Variants in ENOX1 observed in about 807,000 individuals in gnomAD.
ENOX1 encodes ecto-NOX disulfide-thiol exchanger 1.
In ENOX1, 42 loss-of-function variants were observed where a neutral mutation model predicts 82.5. That is an observed-to-expected ratio of 0.51 (90% confidence interval 0.40 to 0.66). The LOEUF is 0.66. ENOX1 is among the 30% of genes least tolerant of loss of function. ENOX1 has a pLI of 0.00. For missense variants in ENOX1, 608 were observed against 811.6 expected, an observed-to-expected ratio of 0.75 and a Z score of 3.05; for synonymous variants, 271 against 282.2, an observed-to-expected ratio of 0.96 and a Z score of 0.40.
At chr13:43,252,475 C>T in intron 14 of ENOX1, among the ~76,000 whole-genome samples, 1 of 152,306 alleles carries the variant, frequency 6.6e-6, no homozygotes, top group Middle Eastern at 3.4e-3. Flanking sequence ...TAGAAATGCA[C>T]TCTTTCTTTT....
At chr13:43,297,664 C>G (rs535525348) in intron 12 of ENOX1, among the ~76,000 whole-genome samples, 1 of 152,284 alleles carries the variant, frequency 6.6e-6, no homozygotes, top group South Asian at 2.1e-4. Flanking sequence ...CCCACAGTAC[C>G]TGTTCCTTTT....
At chr13:43,359,796 A>G in intron 7 of ENOX1, 55 bp downstream of exon 7, 2 of 1,512,164 alleles carry the variant, frequency 1.3e-6, no homozygotes, top group African/African-American at 2.7e-5. Context: ...AGCTCATATT[A>G]ACATCACAAA....
intron 2 of ENOX1, among the ~76,000 whole-genome samples, chr13:43,523,323 T>C (rs1291573889): frequency 6.6e-6 from 1 of 152,170 alleles, no homozygotes; most frequent in East Asian, 1.9e-4. Context: ...TTTTTAATGA[T>C]AGTTTACAAC....
chr13:43,758,035 G>A (rs1297588380), intron 1 of ENOX1, among the ~76,000 whole-genome samples: 2 of 152,106 alleles, frequency 1.3e-5, no homozygotes, highest in Non-Finnish European at 1.5e-5. Flanking sequence ...AGGAGTTCCA[G>A]ACCAGCCTGG....
intron 5 of ENOX1, among the ~76,000 whole-genome samples, chr13:43,372,885 G>A (rs559190557): frequency 3.9e-5 from 6 of 152,052 alleles, no homozygotes; most frequent in Admixed American, 1.3e-4. Flanking sequence ...TGGAGGGACC[G>A]TCCGAGTTCT....
At chr13:43,344,850 A>C in intron 8 of ENOX1, 100 bp from the exon 9 acceptor site, 1 of 1,164,610 alleles carries the variant, frequency 8.6e-7, no homozygotes, top group Non-Finnish European at 1.2e-6. Context: ...AACCTAGTGG[A>C]TATATTTTCA....
At chr13:43,377,029 A>T (rs979978833) in intron 5 of ENOX1, among the ~76,000 whole-genome samples, 7 of 152,018 alleles carry the variant, frequency 4.6e-5, no homozygotes, top group African/African-American at 1.7e-4. Context: ...TCACTGCCCA[A>T]TTTTTCCTTT....
intron 1 of ENOX1, among the ~76,000 whole-genome samples, chr13:43,772,524 G>A (rs975093112): frequency 2.0e-5 from 3 of 152,036 alleles, no homozygotes; most frequent in Non-Finnish European, 4.4e-5. Context: ...CAAGGCAGGT[G>A]GATCACCTGA....
intron 1 of ENOX1, among the ~76,000 whole-genome samples, chr13:43,744,964 C>T (rs549708611): frequency 2.0e-5 from 3 of 152,162 alleles, no homozygotes; most frequent in Non-Finnish European, 4.4e-5. Context: ...AGAGGCATTG[C>T]AATGTGAAGG....
rs1212310112 is a variant in ENOX1, at chr13:43,786,607, G to A, written c.-285+45C>T. 1 of 152,184 alleles carries A rather than the reference G, an allele frequency of 6.6e-6. No homozygotes were observed. Among genetic ancestry groups the A allele is most frequent in the East Asian group, 2.0e-4 (1 of 5,096 alleles). 9.4% of individuals were successfully genotyped at this position (152,184 alleles called of 1,614,324 possible). ...GGTGAGACCAGAGGACCCCGGCTCG[G>A]AGCCCGGACGCCCCAGGGAGGCTGC... On this transcript the variant is annotated intron_variant, in intron 1 of 16. Coordinates refer to ENST00000690772, the MANE Select transcript of ENOX1 (RefSeq NM_001347969.2). This position sits in a 1 kb window ranked among gnomAD's most constrained non-coding sequence, Gnocchi z 6.0.
At chr13:43,260,668 T>G (rs1434714317) in intron 14 of ENOX1, among the ~76,000 whole-genome samples, 1 of 152,112 alleles carries the variant, frequency 6.6e-6, no homozygotes, top group Admixed American at 6.5e-5. Flanking sequence ...GATAAGAACA[T>G]GATATATATA....
chr13:43,444,028 T>C (rs1467727292), intron 3 of ENOX1, among the ~76,000 whole-genome samples: 3 of 152,188 alleles, frequency 2.0e-5, no homozygotes, highest in African/African-American at 4.8e-5. Context: ...AGTACTTTGG[T>C]AGCCACAGAG....
At chr13:43,644,092 T>C (rs1306648862) in intron 2 of ENOX1, among the ~76,000 whole-genome samples, 1 of 152,198 alleles carries the variant, frequency 6.6e-6, no homozygotes, top group Non-Finnish European at 1.5e-5. Flanking sequence ...TGTAATTAGT[T>C]TTAAAATATT....
chr13:43,347,439 T>C (rs944490009), intron 8 of ENOX1, among the ~76,000 whole-genome samples: 3 of 152,204 alleles, frequency 2.0e-5, no homozygotes, highest in African/African-American at 7.2e-5. Context: ...ATATGATTGA[T>C]GTACTGACAT....
intron 2 of ENOX1, among the ~76,000 whole-genome samples, chr13:43,520,789 G>A (rs2077735382): frequency 6.6e-6 from 1 of 152,172 alleles, no homozygotes; most frequent in South Asian, 2.1e-4. Context: ...AAAATGCTTT[G>A]CAGCAACCCC....
At chr13:43,365,421 T>C (rs578086260) in intron 5 of ENOX1, among the ~76,000 whole-genome samples, 1 of 152,274 alleles carries the variant, frequency 6.6e-6, no homozygotes, top group South Asian at 2.1e-4. Context: ...ATTACAGGTG[T>C]AGTCCTGGGC....
intron 2 of ENOX1, among the ~76,000 whole-genome samples, chr13:43,599,749 C>T (rs1270017953): frequency 6.6e-6 from 1 of 151,276 alleles, no homozygotes; most frequent in Non-Finnish European, 1.5e-5. Context: ...GCACAGCTCA[C>T]AGCTCTGGGA....
chr13:43,217,027 C>T (rs777957732), intron 16 of ENOX1, among the ~76,000 whole-genome samples: 18 of 152,164 alleles, frequency 1.2e-4, no homozygotes, highest in Non-Finnish European at 2.4e-4. Flanking sequence ...AACTGAGGCC[C>T]TGAGAGACTC....
At chr13:43,336,666 G>A (rs917573881) in intron 9 of ENOX1, among the ~76,000 whole-genome samples, 1 of 152,118 alleles carries the variant, frequency 6.6e-6, no homozygotes, top group Non-Finnish European at 1.5e-5. Flanking sequence ...CCTCATGGTT[G>A]GGTCCTGGAA....
Sources: allele counts gnomAD v4.1 joint callset (sites outside exome capture counted in the v4.1 genomes callset), GRCh38; gene constraint gnomAD v4.1.1; non-coding constraint Gnocchi (gnomAD v3.1); transcripts MANE v1.5; gene names NCBI Gene and HGNC (gene_info 2026-07-23, HGNC 2026-07-21).